OSBPL10: variants seen among roughly 807,000 people sequenced by gnomAD.
The protein encoded by OSBPL10 is oxysterol-binding protein-related protein 10.
A neutral mutation model predicts 81.7 loss-of-function variants in OSBPL10; 49 were observed. That is an observed-to-expected ratio of 0.60 (90% CI 0.48 to 0.76). OSBPL10 has a LOEUF of 0.76. OSBPL10 is among the 30% of genes least tolerant of loss of function. OSBPL10 has a pLI of 0.00. For missense variants in OSBPL10, 923 were observed against 987.8 expected (o/e 0.93, Z 0.88); for synonymous variants, 419 against 383.6 (o/e 1.09, Z -1.08).
rs56002214 is a variant in OSBPL10, at chr3:31,949,667, C to CAAAAAAAA, written c.281+31224_281+31231dup. Among the ~76,000 whole-genome samples the CAAAAAAAA allele has an allele frequency of 3.0e-3, 79 of 26,262 alleles. 6 individuals are homozygous for CAAAAAAAA. Among genetic ancestry groups the CAAAAAAAA allele is most frequent in the African/African-American group, 0.012 (72 of 6,066 alleles). The allele number at this position is 26,262 out of a possible 152,430, so 17.2% of individuals were successfully genotyped here. A position where few individuals can be genotyped will look rare whatever the true frequency, so the allele number is the denominator to read the frequency against. On this transcript the variant is annotated intron_variant, in intron 1 of 11. Transcript: ENST00000396556. The stretch of plus-strand genomic sequence containing the variant: ...TGGGCAACAGAGCAAGACTCTGTCT[C>CAAAAAAAA]AAAAAAAAAAAAAAAAAAAAAAAAA...
chr3:31,759,552 G>A (rs563977074), intron 4 of OSBPL10, among the ~76,000 whole-genome samples: 11 of 152,272 alleles, frequency 7.2e-5, no homozygotes, highest in Non-Finnish European at 1.3e-4. Flanking sequence ...CCTGGCAAAT[G>A]TACTTACAGA....
chr3:31,922,140 A>T (rs4428223), intron 1 of OSBPL10, among the ~76,000 whole-genome samples: 1 of 151,946 alleles, frequency 6.6e-6, no homozygotes. Flanking sequence ...AAGGGATCCT[A>T]GAACAGAAAA....
chr3:31,675,974 TACA>T, intron 8 of OSBPL10, among the ~76,000 whole-genome samples: 1 of 146,594 alleles, frequency 6.8e-6, no homozygotes, highest in East Asian at 2.1e-4. Flanking sequence ...AAGAGGAAAC[TACA>T]ACGTCTTCCA....
rs759593619 is a variant in OSBPL10 at position 31,990,724 on chromosome 3, C to T, written n.298+55767G>A. On this transcript the variant is annotated intron_variant and non_coding_transcript_variant, in intron 2 of 3. Coordinates refer to the OSBPL10 transcript ENST00000479173. ...TGAAGAATGTGACACAGTTTTCAGT[C>T]GCAAATCACACCATGAAACACATAA... is the stretch of plus-strand genomic sequence containing the variant. 9.9e-6 allele frequency: 16 copies of T among 1,613,880 alleles called. No individual in the cohort carries two copies. The highest frequency in any genetic ancestry group is 1.4e-5 in the Non-Finnish European group (16 of 1,179,938).
In OSBPL10 at chr3:31,973,986, G is replaced by A. The variant is rs143169181; in HGVS notation, c.281+6913C>T. ...GGTATATCCACAGGACATAATGCCT[G>A]CATAATACACCGTGTCTCTATATAT... On this transcript the variant is annotated intron_variant, in intron 1 of 11. Coordinates refer to ENST00000396556, the MANE Select transcript of OSBPL10 (RefSeq NM_017784.5). Among the ~76,000 whole-genome samples the A allele has an allele frequency of 1.4e-3, 213 of 152,306 alleles. 1 individual carries two copies. The highest frequency in any genetic ancestry group is 4.8e-3 in the African/African-American group (200 of 41,556).
chr3:31,826,702 C>A (rs1302249572), intron 4 of OSBPL10, among the ~76,000 whole-genome samples: 1 of 152,196 alleles, frequency 6.6e-6, no homozygotes, highest in African/African-American at 2.4e-5. Context: ...TACAGTGGAA[C>A]CTTAAAGCAG....
chr3:31,974,822 G>A (rs1698651668), intron 1 of OSBPL10, among the ~76,000 whole-genome samples: 2 of 152,182 alleles, frequency 1.3e-5, no homozygotes, highest in African/African-American at 4.8e-5. Context: ...TCATTGAACT[G>A]TGTATGTATA....
chr3:31,835,978 A>C (rs1700351302), intron 3 of OSBPL10, among the ~76,000 whole-genome samples: 1 of 152,178 alleles, frequency 6.6e-6, no homozygotes, highest in Admixed American at 6.5e-5. Context: ...ATTTTGCTTA[A>C]TTGCTTCATA....
chr3:32,057,969 T>C (rs938700862), intron 1 of OSBPL10, among the ~76,000 whole-genome samples: 3 of 152,226 alleles, frequency 2.0e-5, no homozygotes, highest in Non-Finnish European at 4.4e-5. Flanking sequence ...TTTAACTGCA[T>C]GGACTTGTAT....
intron 4 of OSBPL10, among the ~76,000 whole-genome samples, chr3:31,789,184 G>A (rs2125788089): frequency 6.6e-6 from 1 of 152,290 alleles, no homozygotes; most frequent in Non-Finnish European, 1.5e-5. Context: ...CACCATGTTG[G>A]TCATGCTGGG....
intron 2 of OSBPL10, among the ~76,000 whole-genome samples, chr3:32,011,442 C>T (rs1326182108): frequency 2.6e-5 from 4 of 152,148 alleles, no homozygotes; most frequent in African/African-American, 7.2e-5. Context: ...CCCATCTGTA[C>T]GTCACCATCA....
At chr3:31,831,023 C>A (rs1005735145) in intron 3 of OSBPL10, among the ~76,000 whole-genome samples, 1 of 152,138 alleles carries the variant, frequency 6.6e-6, no homozygotes, top group Non-Finnish European at 1.5e-5. Context: ...GATCACAGAT[C>A]TCGAATGGAT....
intron 4 of OSBPL10, among the ~76,000 whole-genome samples, chr3:31,780,600 A>T (rs1365829233): frequency 6.6e-6 from 1 of 152,160 alleles, no homozygotes; most frequent in Non-Finnish European, 1.5e-5. Flanking sequence ...GAGCTAAATA[A>T]GCTCAATTAG....
At chr3:31,686,824 G>A (rs1700803131) in intron 7 of OSBPL10, among the ~76,000 whole-genome samples, 1 of 152,144 alleles carries the variant, frequency 6.6e-6, no homozygotes, top group Admixed American at 6.5e-5. Context: ...CCATCACTGT[G>A]CTCTCTGGGG....
rs529450462 is a variant in OSBPL10 at position 32,052,693 on chromosome 3, TA to T, written n.186-6091del. 4.1e-3 allele frequency among the ~76,000 whole-genome samples: 630 copies of T among 151,900 alleles called. 3 individuals carry two copies. Among genetic ancestry groups the T allele is most frequent in the Middle Eastern group, 0.037 (11 of 294 alleles). On this transcript the variant is annotated intron_variant and non_coding_transcript_variant, in intron 1 of 3. Transcript: ENST00000479173. Reference sequence around the variant, plus strand: ...CTGGAAACCATCATTCTCAGCAAACTAACACAGGAACAGAAAACCAAACACT... The same window carrying T: ...CTGGAAACCATCATTCTCAGCAAACTACACAGGAACAGAAAACCAAACACT...
intron 1 of OSBPL10, among the ~76,000 whole-genome samples, chr3:31,916,337 C>T (rs1257464336): frequency 1.3e-5 from 2 of 152,170 alleles, no homozygotes; most frequent in African/African-American, 2.4e-5. Context: ...ATTCTAAAGT[C>T]ACGTAAAATG....
At chr3:31,965,954 T>TTATATAAAATATAATATATAA (rs1559535572) in intron 1 of OSBPL10, among the ~76,000 whole-genome samples, 2 of 98,738 alleles carry the variant, frequency 2.0e-5, no homozygotes, top group Admixed American at 2.7e-4. Flanking sequence ...ATAATATATA[T>TTATATAAAATATAATATATAA]TATATATTAT....
intron 3 of OSBPL10, among the ~76,000 whole-genome samples, chr3:31,846,219 C>A (rs1257366956): frequency 1.3e-5 from 2 of 152,170 alleles, no homozygotes; most frequent in East Asian, 3.9e-4. Context: ...CACTATATTG[C>A]CCAGGTTGGT....
intron 1 of OSBPL10, among the ~76,000 whole-genome samples, chr3:31,961,046 C>G (rs62244380): frequency 9.8e-6 from 1 of 102,436 alleles, no homozygotes; most frequent in African/African-American, 4.2e-5. Context: ...GAAGCTACAG[C>G]CTTTTTTTTT....
Sources: allele counts gnomAD v4.1 joint callset (sites outside exome capture counted in the v4.1 genomes callset), GRCh38; gene constraint gnomAD v4.1.1; transcripts MANE v1.5; gene names NCBI Gene and HGNC (gene_info 2026-07-23, HGNC 2026-07-21).